Variants in NR3C2 observed in about 807,000 individuals in gnomAD.
NR3C2 encodes mineralocorticoid receptor.
In NR3C2, 15 loss-of-function variants were observed where a neutral mutation model predicts 86.4. That is an observed-to-expected ratio of 0.17 (90% CI 0.12 to 0.27). The LOEUF (loss-of-function observed/expected upper bound fraction) is 0.27. Ranked by LOEUF, NR3C2 falls within the 10% of genes least tolerant of loss-of-function variation. The probability of loss-of-function intolerance (pLI) is 1.00; values close to 1 mark genes in which losing one functional copy is unlikely to be tolerated. For synonymous variants in NR3C2, 458 were observed against 450.5 expected, an observed-to-expected ratio of 1.02 and a Z score of -0.21; for missense variants, 960 against 1,195.6, an observed-to-expected ratio of 0.80 and a Z score of 2.91.
chr4:148,097,758 T>G (rs557924059), intron 8 of NR3C2, among the ~76,000 whole-genome samples: 15 of 150,426 alleles, frequency 1.0e-4, no homozygotes, highest in South Asian at 8.4e-4. Flanking sequence ...TTTGTTTTTT[T>G]TTTTTTTTTT....
Position 148,080,942 on chromosome 4 carries a change from C to T in NR3C2, c.*402G>A. 1 of 318,950 alleles carries T rather than the reference C, an allele frequency of 3.1e-6. No homozygotes were observed. The highest frequency in any genetic ancestry group is 3.9e-5 in the Admixed American group (1 of 25,782). The allele number at this position is 318,950 out of a possible 1,614,324, so 19.8% of individuals were successfully genotyped here. The stretch of plus-strand genomic sequence containing the variant: ...CCATATTGACTATACGTTTTATGTG[C>T]AAACCAAGGGTAAGCTTTAAAACGT... On this transcript the variant is annotated 3_prime_UTR_variant, in exon 9 of 9. Transcript: ENST00000358102.
At chr4:148,136,968 G>A (rs1258746703) in intron 6 of NR3C2, among the ~76,000 whole-genome samples, 2 of 152,084 alleles carry the variant, frequency 1.3e-5, no homozygotes, top group Admixed American at 6.5e-5. Context: ...TAGCCACCAT[G>A]GTATAGATAG....
At position 148,436,468 on chromosome 4, in the gene NR3C2, A is replaced by T; in HGVS notation, c.393T>A (p.Ala131=). The T allele has an allele frequency of 1.2e-6, 2 of 1,614,228 alleles. No individual in the cohort carries two copies. The highest frequency in any genetic ancestry group is 1.7e-6 in the Non-Finnish European group (2 of 1,180,036). ...QQNQQGSMSP[A]KIYQNVEQLV... ...GCTGTTCAACATTCTGATAAATCTT[A>T]GCTGGACTCATGCTTCCTTGTTGGT... Residue 131 remains alanine, a synonymous_variant, in exon 2 of 9, where the codon GCT becomes GCA. Transcript: ENST00000358102.
chr4:148,407,802 CAT>C (rs1748495702), intron 2 of NR3C2, among the ~76,000 whole-genome samples: 2 of 152,132 alleles, frequency 1.3e-5, no homozygotes, highest in Admixed American at 6.5e-5. Flanking sequence ...TAAAATGGCA[CAT>C]ATCAATATCC....
rs531859219 is a variant in NR3C2, at chr4:148,230,360, A to AT, written c.1897+29617dup. Among the ~76,000 whole-genome samples the AT allele has an allele frequency of 1.7e-3, 251 of 151,974 alleles. 1 individual carries two copies. Among genetic ancestry groups the AT allele is most frequent in the African/African-American group, 5.7e-3 (237 of 41,436 alleles). On this transcript the variant is annotated intron_variant, in intron 3 of 8. Transcript: ENST00000358102. Reference sequence around the variant, plus strand: ...AGGTGTGTGCCATCACACCTGGCTAATTTTTTTGTATTTTTTAGTAGAGAC... The same window carrying AT: ...AGGTGTGTGCCATCACACCTGGCTAATTTTTTTTGTATTTTTTAGTAGAGAC...
At chr4:148,355,585 C>T (rs1745514166) in intron 2 of NR3C2, among the ~76,000 whole-genome samples, 1 of 152,138 alleles carries the variant, frequency 6.6e-6, no homozygotes, top group Non-Finnish European at 1.5e-5. Flanking sequence ...GGAACAAAGC[C>T]AGCACCCCTC....
chr4:148,144,846 C>T (rs773865689), intron 6 of NR3C2, among the ~76,000 whole-genome samples: 2 of 152,158 alleles, frequency 1.3e-5, no homozygotes, highest in African/African-American at 2.4e-5. Context: ...CTACTTATGA[C>T]GTTGCTTTTC....
intron 6 of NR3C2, among the ~76,000 whole-genome samples, chr4:148,129,525 C>G (rs557159001): frequency 6.6e-6 from 1 of 152,284 alleles, no homozygotes; most frequent in South Asian, 2.1e-4. Context: ...TTTATCACAA[C>G]TAAAATATGT....
chr4:148,277,605 T>C (rs1320937291), intron 2 of NR3C2, among the ~76,000 whole-genome samples: 1 of 152,140 alleles, frequency 6.6e-6, no homozygotes, highest in African/African-American at 2.4e-5. Flanking sequence ...CACATCTCTA[T>C]TAAAACAAAT....
At chr4:148,150,017 C>T (rs1734035139) in intron 6 of NR3C2, among the ~76,000 whole-genome samples, 1 of 151,972 alleles carries the variant, frequency 6.6e-6, no homozygotes, top group South Asian at 2.1e-4. Flanking sequence ...AACACAGAGG[C>T]ACCATATGCC....
intron 3 of NR3C2, among the ~76,000 whole-genome samples, chr4:148,216,614 ACTTTCAATTTATTAAATC>A (rs1168424684): frequency 6.6e-6 from 1 of 152,184 alleles, no homozygotes; most frequent in Non-Finnish European, 1.5e-5. Context: ...TTTTCAAAAT[ACTTTCAATTTATTAAATC>A]CTTTCAATTT....
intron 8 of NR3C2, among the ~76,000 whole-genome samples, chr4:148,105,975 G>A (rs554338270): frequency 1.3e-5 from 2 of 152,308 alleles, no homozygotes; most frequent in Non-Finnish European, 2.9e-5. Flanking sequence ...CACAAGACAA[G>A]GATGCCCTCT....
chr4:148,153,276 C>A (rs917324079), intron 5 of NR3C2, among the ~76,000 whole-genome samples: 1 of 152,172 alleles, frequency 6.6e-6, no homozygotes, highest in African/African-American at 2.4e-5. Flanking sequence ...TCCCAGGTTT[C>A]AAGCGATTCT....
chr4:148,334,371 C>A (rs758250257), intron 2 of NR3C2, among the ~76,000 whole-genome samples: 8 of 152,256 alleles, frequency 5.3e-5, no homozygotes, highest in Non-Finnish European at 7.3e-5. Flanking sequence ...GGCAAAACCC[C>A]ATCTCTTCTA....
At chr4:148,175,586 A>G (rs1424461175) in intron 4 of NR3C2, among the ~76,000 whole-genome samples, 1 of 152,224 alleles carries the variant, frequency 6.6e-6, no homozygotes, top group Non-Finnish European at 1.5e-5. Flanking sequence ...CATGAAATTT[A>G]AGTTTTTGCT....
intron 7 of NR3C2, among the ~76,000 whole-genome samples, chr4:148,116,856 A>AT (rs1414672178): frequency 6.6e-6 from 1 of 152,222 alleles, no homozygotes; most frequent in African/African-American, 2.4e-5. Context: ...ATGAATTTAG[A>AT]TTGAGTAGTC....
chr4:148,171,901 G>A (rs1735144812), intron 4 of NR3C2, among the ~76,000 whole-genome samples: 1 of 152,146 alleles, frequency 6.6e-6, no homozygotes, highest in Non-Finnish European at 1.5e-5. Flanking sequence ...TGGGAAGACA[G>A]GTGTTCCTCC....
At chr4:148,262,360 T>G (rs1403862711) in intron 2 of NR3C2, among the ~76,000 whole-genome samples, 1 of 152,112 alleles carries the variant, frequency 6.6e-6, no homozygotes, top group African/African-American at 2.4e-5. Flanking sequence ...ATCACCAATA[T>G]GCTGGCAACT....
At chr4:148,162,572 G>A (rs1734709451) in intron 4 of NR3C2, among the ~76,000 whole-genome samples, 1 of 152,140 alleles carries the variant, frequency 6.6e-6, no homozygotes, top group Non-Finnish European at 1.5e-5. Flanking sequence ...AATAGCTTCT[G>A]GTAATCATCT....
Sources: gnomAD v4.1 joint callset for allele counts (sites outside exome capture counted in the v4.1 genomes callset) on GRCh38, gnomAD v4.1.1 for gene constraint, MANE v1.5 for transcripts, NCBI Gene and HGNC (gene_info 2026-07-23, HGNC 2026-07-21) for gene names.